ANKRD26: variants seen among roughly 807,000 people sequenced by gnomAD.
ANKRD26 encodes ankyrin repeat domain 26, also known as ankyrin repeat domain-containing protein 26.
Under a neutral mutation model 208.7 loss-of-function variants are expected in ANKRD26, and 141 were observed. That is an observed-to-expected ratio of 0.68 (90% confidence interval 0.59 to 0.78). The LOEUF (loss-of-function observed/expected upper bound fraction) is 0.78. ANKRD26 is among the 30% of genes least tolerant of loss of function. The pLI, the probability that ANKRD26 is intolerant of heterozygous loss-of-function variation, is 0.00. For missense variants in ANKRD26, 1,889 were observed against 1,938.7 expected, an observed-to-expected ratio of 0.97 and a Z score of 0.48; for synonymous variants, 636 against 660.4, an observed-to-expected ratio of 0.96 and a Z score of 0.57.
intron 32 of ANKRD26, among the ~76,000 whole-genome samples, chr10:27,009,513 G>C (rs957845732): frequency 6.6e-6 from 1 of 152,090 alleles, no homozygotes; most frequent in African/African-American, 2.4e-5. Context: ...CACAGTGCCT[G>C]ATACAGACTA....
At chr10:26,979,732 G>C (rs1459403372) in intron 5 of ANKRD26, among the ~76,000 whole-genome samples, 1 of 152,170 alleles carries the variant, frequency 6.6e-6, no homozygotes, top group Admixed American at 6.5e-5. Flanking sequence ...AGCACCCCTA[G>C]TCTTCCTGAG....
intron 28 of ANKRD26, among the ~76,000 whole-genome samples, chr10:27,023,164 A>G (rs2053545584): frequency 6.6e-6 from 1 of 152,060 alleles, no homozygotes; most frequent in African/African-American, 2.4e-5. Context: ...CCCTGTCTCT[A>G]CTAAAAATAC....
At position 27,100,458 on chromosome 10, in the gene ANKRD26, C is replaced by T. The variant is rs2056615361; in HGVS notation, c.-132G>A. The stretch of plus-strand genomic sequence containing the variant: ...GGAAACTCCGCGGTTTCCAATCTCT[C>T]CCTCCGGGTTACCAAGCAAGCGATC... On this transcript the variant is annotated 5_prime_UTR_variant, in exon 1 of 34. Transcript: ENST00000376087. 11 of 1,355,286 alleles carry T rather than the reference C, an allele frequency of 8.1e-6. No individual in the cohort carries two copies. In the South Asian group the frequency reaches 1.5e-4, roughly 19 times the overall value. 84.0% of individuals were successfully genotyped at this position (1,355,286 alleles called of 1,614,324 possible).
chr10:26,964,145 A>G, the ANKRD26 span, among the ~76,000 whole-genome samples: 1 of 151,512 alleles, frequency 6.6e-6, no homozygotes, highest in Non-Finnish European at 1.5e-5. Flanking sequence ...CTAACATCAA[A>G]TGGTCCACCT....
downstream of ANKRD26, among the ~76,000 whole-genome samples, chr10:26,973,094 G>C (rs12412695): frequency 1.3e-5 from 2 of 151,944 alleles, no homozygotes; most frequent in African/African-American, 4.8e-5. Context: ...TTCTGGCCTC[G>C]ATATATACCT....
chr10:27,073,310 G>A (rs117965370), intron 9 of ANKRD26, among the ~76,000 whole-genome samples: 1,880 of 152,230 alleles, frequency 0.012, 22 homozygotes, highest in South Asian at 0.035. Context: ...CTTTTCCCAC[G>A]ACAGCATGAT....
At chr10:27,035,790 GA>G in intron 23 of ANKRD26, 38 bp from the exon 24 acceptor site, 1 of 1,337,908 alleles carries the variant, frequency 7.5e-7, no homozygotes, top group Non-Finnish European at 1.1e-6. Context: ...TAGCACCCAA[GA>G]AAATGACAGA....
At chr10:26,953,712 TAAGAG>T in the ANKRD26 span, among the ~76,000 whole-genome samples, 1 of 152,228 alleles carries the variant, frequency 6.6e-6, no homozygotes, top group Non-Finnish European at 1.5e-5. Flanking sequence ...CCTGAGATCT[TAAGAG>T]AAGGGGTTAG....
downstream of ANKRD26, among the ~76,000 whole-genome samples, chr10:26,990,786 A>G (rs1019703894): frequency 6.6e-6 from 1 of 152,224 alleles, no homozygotes; most frequent in Admixed American, 6.5e-5. Context: ...ATAAAAACAT[A>G]CCAAATTAAA....
Position 27,043,544 on chromosome 10 carries a change from CAT to C in ANKRD26, c.2041_2042del (p.Met681GlyfsTer2). 6.2e-7 allele frequency: 1 copy of C among 1,613,824 alleles called. No individual in the cohort carries two copies. Among genetic ancestry groups the C allele is most frequent in the Non-Finnish European group, 8.5e-7 (1 of 1,179,822 alleles). ...ACTGAGTTAAGTCATCAACATCATC[CAT>C]AGACTGTATTTGGTTTTTGACCTAT... Reference protein sequence around the residue: ...KNKVKNQIQSMDDVDDLTQSS... With the variant: ...KNKVKNQIQSXDDVDDLTQSS... On this transcript the variant is annotated frameshift_variant, in exon 20 of 34. Coordinates refer to ENST00000376087, the MANE Select transcript of ANKRD26 (RefSeq NM_014915.3). LOFTEE classifies it high-confidence loss of function.
chr10:27,013,601 C>T (rs2053190857), intron 31 of ANKRD26, among the ~76,000 whole-genome samples: 2 of 151,940 alleles, frequency 1.3e-5, no homozygotes, highest in South Asian at 4.2e-4. Context: ...AGGAAAAAGC[C>T]CAGCTAAAAA....
intron 7 of ANKRD26, among the ~76,000 whole-genome samples, chr10:27,078,556 T>A (rs2055782383): frequency 6.6e-6 from 1 of 152,144 alleles, no homozygotes; most frequent in East Asian, 1.9e-4. Flanking sequence ...TAACAGACTT[T>A]TGTTCATAGG....
At chr10:26,963,408 G>T in the ANKRD26 span, among the ~76,000 whole-genome samples, 2 of 152,208 alleles carry the variant, frequency 1.3e-5, no homozygotes, top group African/African-American at 4.8e-5. Context: ...CTGTAAATGT[G>T]AATCTGCTCT....
At chr10:27,049,497 A>G (rs2054575443) in intron 16 of ANKRD26, among the ~76,000 whole-genome samples, 2 of 152,210 alleles carry the variant, frequency 1.3e-5, no homozygotes, top group Non-Finnish European at 2.9e-5. Context: ...GGATATCAAC[A>G]AAGTGAAGGT....
At chr10:26,955,884 C>T in the ANKRD26 span, among the ~76,000 whole-genome samples, 1 of 152,296 alleles carries the variant, frequency 6.6e-6, no homozygotes, top group East Asian at 1.9e-4. Context: ...TTCCCAACTC[C>T]TTTCAAATCA....
chr10:27,037,196 A>T lies in ANKRD26; in HGVS notation c.2687T>A (p.Met896Lys). 1.2e-6 allele frequency: 2 copies of T among 1,613,288 alleles called. No individual in the cohort carries two copies. Among genetic ancestry groups the T allele is most frequent in the South Asian group, 2.2e-5 (2 of 91,064 alleles). Residue 896 changes from methionine (M) to lysine (K), a missense_variant, in exon 23 of 34, where the codon ATG becomes AAG. Coordinates refer to ENST00000376087, the MANE Select transcript of ANKRD26 (RefSeq NM_014915.3). ...AGGAAATAGAAATACCTCAGAATTC[A>T]TTTTCTTTTGAGCCATTTCAATCTC... ...QKEIEMAQKK[M>K]NSENSHSHEE...
chr10:27,011,246 A>G (rs574897814), intron 32 of ANKRD26, among the ~76,000 whole-genome samples: 8 of 152,288 alleles, frequency 5.3e-5, no homozygotes, highest in Non-Finnish European at 8.8e-5. Context: ...TGTTCAAACA[A>G]ATGTTTTATG....
In ANKRD26 at chr10:27,007,604, C is replaced by T. The variant is rs185788706; in HGVS notation, c.4954-642G>A. ...ACAGGAGGTGGAGGTTGCAGTGAGC[C>T]GAGATTGCACCACTGCACTCCAGCC... is the stretch of plus-strand genomic sequence containing the variant. On this transcript the variant is annotated intron_variant, in intron 32 of 33. Coordinates refer to ENST00000376087, the MANE Select transcript of ANKRD26 (RefSeq NM_014915.3). Among the ~76,000 whole-genome samples, 10 of 152,204 alleles carry T rather than the reference C, an allele frequency of 6.6e-5. No individual in the cohort carries two copies. The East Asian group carries it at 1.7e-3, about 26-fold the overall frequency.
rs1310226345 is a variant in ANKRD26 at position 27,012,869 on chromosome 10, CAACAT to C, written c.4953+8_4953+12del. The C allele has an allele frequency of 1.4e-5, 23 of 1,606,756 alleles. No individual in the cohort carries two copies. The East Asian group carries it at 2.0e-4, about 14-fold the overall frequency. ...AATTTGAAACCCAAAGGAAAAAAGA[CAACAT>C]AACTAACCTTGCTCAAGTAGTTCTC... On this transcript the variant is annotated splice_region_variant and intron_variant, in intron 32 of 33. Transcript: ENST00000376087.
Sources: allele counts gnomAD v4.1 joint callset (sites outside exome capture counted in the v4.1 genomes callset), GRCh38; gene constraint gnomAD v4.1.1; transcripts MANE v1.5; gene names NCBI Gene and HGNC (gene_info 2026-07-23, HGNC 2026-07-21).